Variants in ARHGAP8 observed in about 807,000 individuals in gnomAD.
ARHGAP8 encodes the protein Rho GTPase activating protein 8.
Under a neutral mutation model 46.1 loss-of-function variants are expected in ARHGAP8, and 62 were observed. That is an observed-to-expected ratio of 1.34 (90% CI 1.10 to 1.66). The LOEUF (loss-of-function observed/expected upper bound fraction) is 1.66, where lower values mean the gene tolerates loss of function less well. Among genes scored for constraint, ARHGAP8 ranks in the 40% most tolerant of loss-of-function variants. ARHGAP8 has a pLI of 0.00. For synonymous variants in ARHGAP8, 375 were observed against 243.1 expected, an observed-to-expected ratio of 1.54 and a Z score of -5.05; for missense variants, 923 against 568.4, an observed-to-expected ratio of 1.62 and a Z score of -6.34.
At chr22:44,853,983 C>T (rs1226134266) in intron 10 of ARHGAP8, among the ~76,000 whole-genome samples, 3 of 127,088 alleles carry the variant, frequency 2.4e-5, no homozygotes, top group Non-Finnish European at 4.7e-5. Context: ...GCTGAGATCT[C>T]ACCATTGCAC....
At chr22:44,764,065 G>C (rs928636888) in intron 1 of ARHGAP8, among the ~76,000 whole-genome samples, 4 of 152,058 alleles carry the variant, frequency 2.6e-5, no homozygotes, top group Admixed American at 2.6e-4. Context: ...GCCCACCTCG[G>C]CCTCCCAAAG....
chr22:44,822,075 G>A (rs536718421), intron 5 of ARHGAP8, among the ~76,000 whole-genome samples: 5 of 152,304 alleles, frequency 3.3e-5, no homozygotes, highest in East Asian at 1.9e-4. Flanking sequence ...TGGCACTTCC[G>A]CGCTATCTCC....
chr22:44,800,544 C>T, intron 2 of ARHGAP8, among the ~76,000 whole-genome samples: 1 of 150,132 alleles, frequency 6.7e-6, no homozygotes, highest in African/African-American at 2.5e-5. Flanking sequence ...CTCCCCGCAG[C>T]TGTCCATGTG....
At chr22:44,826,575 C>G (rs1168279325) in intron 7 of ARHGAP8, among the ~76,000 whole-genome samples, 1 of 152,096 alleles carries the variant, frequency 6.6e-6, no homozygotes, top group African/African-American at 2.4e-5. Context: ...CAGGCGCACA[C>G]CACCACGCCT....
intron 4 of ARHGAP8, among the ~76,000 whole-genome samples, chr22:44,810,844 T>C (rs1175093485): frequency 6.6e-6 from 1 of 152,126 alleles, no homozygotes; most frequent in African/African-American, 2.4e-5. Flanking sequence ...GCACAGAGGA[T>C]GCTGGACTGT....
At chr22:44,828,540 C>T (rs1277442797) in intron 7 of ARHGAP8, among the ~76,000 whole-genome samples, 2 of 151,642 alleles carry the variant, frequency 1.3e-5, no homozygotes, top group Non-Finnish European at 2.9e-5. Flanking sequence ...ACCTCCGCCT[C>T]CCGGGTTTAA....
intron 2 of ARHGAP8, among the ~76,000 whole-genome samples, chr22:44,801,194 C>T (rs1928501250): frequency 1.4e-5 from 1 of 72,418 alleles, no homozygotes; most frequent in African/African-American, 6.3e-5. Context: ...CTCCCCGCAG[C>T]TGTCCATGTG....
At chr22:44,845,212 T>C (rs113979017) in intron 7 of ARHGAP8, 57 bp from the exon 8 acceptor site, 6 of 1,607,306 alleles carry the variant, frequency 3.7e-6, no homozygotes, top group East Asian at 2.2e-5. Context: ...CCTCTTCTCA[T>C]TGTGATCACC....
chr22:44,806,576 G>A (rs1182624096), intron 3 of ARHGAP8, among the ~76,000 whole-genome samples: 1 of 152,128 alleles, frequency 6.6e-6, no homozygotes, highest in Non-Finnish European at 1.5e-5. Flanking sequence ...GGCTCCTAGG[G>A]TCATTGGGAG....
At chr22:44,835,737 G>T (rs1271462119) in intron 7 of ARHGAP8, among the ~76,000 whole-genome samples, 1 of 152,190 alleles carries the variant, frequency 6.6e-6, no homozygotes, top group Non-Finnish European at 1.5e-5. Flanking sequence ...ATCTGATGGT[G>T]ATCTTATTAG....
Position 44,778,651 on chromosome 22 carries a change from A to G in ARHGAP8, c.-71-7806A>G, listed in dbSNP as rs145388821. On this transcript the variant is annotated intron_variant, in intron 1 of 11. Transcript: ENST00000356099. The stretch of plus-strand genomic sequence containing the variant: ...TAGTTTATATTCCTGCCAGCTGTGT[A>G]GAAGTGTTCCCTGTTCACCGCAGCC... 4.6e-5 allele frequency among the ~76,000 whole-genome samples: 7 copies of G among 152,318 alleles called. No individual in the cohort carries two copies. The East Asian group carries it at 1.2e-3, about 25-fold the overall frequency.
intron 10 of ARHGAP8, among the ~76,000 whole-genome samples, chr22:44,853,855 C>G (rs2070154281): frequency 6.6e-6 from 1 of 151,518 alleles, no homozygotes; most frequent in African/African-American, 2.4e-5. Context: ...TGGAGAAATC[C>G]CATCTCTACT....
intron 1 of ARHGAP8, among the ~76,000 whole-genome samples, chr22:44,755,300 T>C (rs1924580397): frequency 5.9e-5 from 9 of 152,220 alleles, no homozygotes; most frequent in Admixed American, 5.9e-4. Flanking sequence ...GAGGTGTGCC[T>C]CCCACATGGG....
chr22:44,792,247 T>C (rs892590306), intron 2 of ARHGAP8, among the ~76,000 whole-genome samples: 3 of 152,090 alleles, frequency 2.0e-5, no homozygotes, highest in Non-Finnish European at 4.4e-5. Flanking sequence ...CCTGACCTCA[T>C]GATCCACCTG....
chr22:44,859,354 T>C (rs889581582), intron 10 of ARHGAP8, among the ~76,000 whole-genome samples: 5 of 152,166 alleles, frequency 3.3e-5, no homozygotes, highest in Admixed American at 2.6e-4. Context: ...GTGGCACCTC[T>C]GTCCCACTCT....
intron 1 of ARHGAP8, among the ~76,000 whole-genome samples, chr22:44,773,964 T>C (rs992958360): frequency 1.1e-4 from 16 of 152,232 alleles, no homozygotes; most frequent in African/African-American, 2.9e-4. Flanking sequence ...ACATACCAGG[T>C]ACCATGCTGG....
In ARHGAP8 at chr22:44,826,233, A is replaced by G. The variant is rs114974666; in HGVS notation, c.596+640A>G. On this transcript the variant is annotated intron_variant, in intron 7 of 11. Coordinates refer to ENST00000356099, the MANE Select transcript of ARHGAP8 (RefSeq NM_181335.3). The stretch of plus-strand genomic sequence containing the variant: ...GTCACTCTGCATCCCTGATCCCCGC[A>G]TCACCATGCACCTTGCTAACACCCA... Among the ~76,000 whole-genome samples the G allele has an allele frequency of 9.3e-3, 1,415 of 152,164 alleles. 24 individuals are homozygous for G. The highest frequency in any genetic ancestry group is 0.031 in the African/African-American group (1,306 of 41,504).
chr22:44,823,966 C>G (rs566547335), intron 6 of ARHGAP8, among the ~76,000 whole-genome samples: 78 of 152,226 alleles, frequency 5.1e-4, no homozygotes, highest in Non-Finnish European at 1.0e-3. Flanking sequence ...GCCGGCACCC[C>G]TGTTCCATAG....
At chr22:44,787,497 C>G (rs1022240763) in intron 2 of ARHGAP8, among the ~76,000 whole-genome samples, 4 of 152,000 alleles carry the variant, frequency 2.6e-5, no homozygotes, top group African/African-American at 4.8e-5. Flanking sequence ...GGCGCTCACC[C>G]CCACACTCAG....
Sources: allele counts gnomAD v4.1 joint callset (sites outside exome capture counted in the v4.1 genomes callset), GRCh38; gene constraint gnomAD v4.1.1; transcripts MANE v1.5; gene names NCBI Gene and HGNC (gene_info 2026-07-23, HGNC 2026-07-21).